Variants in PHF7 observed in about 807,000 individuals in gnomAD.
The protein encoded by PHF7 is PHD finger protein 7, also known as E3 ubiquitin-protein ligase PHF7.
Under a neutral mutation model 47.5 loss-of-function variants are expected in PHF7, and 24 were observed. The ratio of observed to expected loss-of-function variants is 0.51; its 90% CI spans 0.37 to 0.71. The LOEUF (loss-of-function observed/expected upper bound fraction) is 0.71. PHF7 is among the 30% of genes least tolerant of loss of function. PHF7 has a pLI of 0.00. For missense variants in PHF7, 361 were observed against 456.8 expected (o/e 0.79, Z 1.91); for synonymous variants, 156 against 153.8 (o/e 1.01, Z -0.11).
chr3:52,412,509 A>G (rs899414218), intron 1 of PHF7, among the ~76,000 whole-genome samples: 19 of 152,240 alleles, frequency 1.2e-4, no homozygotes, highest in Admixed American at 1.2e-3. Flanking sequence ...CATGAGAGTT[A>G]GTGTTGGCCT....
At chr3:52,420,681 C>T (rs955471595) in intron 6 of PHF7, among the ~76,000 whole-genome samples, 5 of 152,156 alleles carry the variant, frequency 3.3e-5, no homozygotes, top group Admixed American at 3.3e-4. Flanking sequence ...CTAAGTGGGG[C>T]TTTCAGGAAC....
rs145224435 is a variant in PHF7 at position 52,423,266 on chromosome 3, C to T, written c.1095C>T (p.Ser365=). The change falls in exon 11 of 11, where the codon TCC becomes TCT. Residue 365 remains serine, a synonymous_variant. Coordinates refer to ENST00000327906, the MANE Select transcript of PHF7 (RefSeq NM_016483.7). ...CCTCTCGTGGCAGGAGGAGCTACTC[C>T]TGGAGGTCCAAGGGTGTCAGAATCA... The part of the protein sequence containing the change: ...PESSRGRRSY[S]WRSKGVRITN... 9,165 of 1,614,096 alleles carry T rather than the reference C, an allele frequency of 5.7e-3. 71 individuals are homozygous for T. Among genetic ancestry groups the T allele is most frequent in the South Asian group, 0.023 (2,136 of 91,076 alleles).
intron 8 of PHF7, 161 bp downstream of exon 8, chr3:52,421,915 AG>A (rs1559602452): frequency 1.5e-5 from 7 of 478,042 alleles, no homozygotes; most frequent in Non-Finnish European, 2.6e-5. Context: ...AACAGAAGGG[AG>A]GGGGAAGAAG....
chr3:52,415,994 C>A (rs1245651053), intron 4 of PHF7, among the ~76,000 whole-genome samples: 1 of 152,216 alleles, frequency 6.6e-6, no homozygotes, highest in Admixed American at 6.5e-5. Context: ...AGCTTACACT[C>A]CTACCAGCAA....
intron 2 of PHF7, 24 bp downstream of exon 2, chr3:52,412,944 TTTGGGAGAAA>T: frequency 6.3e-7 from 1 of 1,590,422 alleles, no homozygotes; most frequent in African/African-American, 1.3e-5. Flanking sequence ...ACATAGGGAA[TTTGGGAGAAA>T]TTGTCCAATG....
intron 1 of PHF7, among the ~76,000 whole-genome samples, chr3:52,412,006 A>G (rs1023443135): frequency 1.3e-5 from 2 of 152,192 alleles, no homozygotes; most frequent in African/African-American, 4.8e-5. Flanking sequence ...ACTGGAGCCC[A>G]GGAGTTGAAG....
At chr3:52,414,649 T>C in intron 4 of PHF7, 62 bp downstream of exon 4, 1 of 895,230 alleles carries the variant, frequency 1.1e-6, no homozygotes, top group Admixed American at 2.1e-5. Flanking sequence ...GACTGTTCTC[T>C]GTTACATTCA....
intron 2 of PHF7, among the ~76,000 whole-genome samples, chr3:52,413,761 G>A (rs553643309): frequency 6.6e-6 from 1 of 152,170 alleles, no homozygotes; most frequent in Non-Finnish European, 1.5e-5. Flanking sequence ...CTTGAACCCA[G>A]GAGGCAGAGG....
At position 52,421,002 on chromosome 3, in the gene PHF7, T is replaced by G; in HGVS notation, c.513T>G (p.Ser171Arg). 2 of 1,613,522 alleles carry G rather than the reference T, an allele frequency of 1.2e-6. No individual in the cohort carries two copies. Among genetic ancestry groups the G allele is most frequent in the Non-Finnish European group, 1.7e-6 (2 of 1,179,732 alleles). ...ILCCEDLSQQ[S>R]VENIQSPCCS... ...GTTGTGAAGACTTATCCCAACAGAGTGTTGAGAACATCCAGAGCCCGTGTT... is the reference window on the plus strand; with the variant it reads ...GTTGTGAAGACTTATCCCAACAGAGGGTTGAGAACATCCAGAGCCCGTGTT... The change falls in exon 7 of 11, where the codon AGT becomes AGG. Residue 171 changes from serine (S) to arginine (R), a missense_variant. Ser to Arg is a moderately radical substitution (Grantham distance 110, BLOSUM62 -1). Coordinates refer to ENST00000327906, the MANE Select transcript of PHF7 (RefSeq NM_016483.7).
At chr3:52,415,872 G>C (rs1392506798) in intron 4 of PHF7, among the ~76,000 whole-genome samples, 2 of 152,212 alleles carry the variant, frequency 1.3e-5, no homozygotes, top group East Asian at 3.8e-4. Context: ...TTGTGAACAT[G>C]TGCTTTCACT....
At chr3:52,421,835 T>C in intron 8 of PHF7, 81 bp downstream of exon 8, 1 of 765,884 alleles carries the variant, frequency 1.3e-6, no homozygotes, top group Non-Finnish European at 2.4e-6. Context: ...GAGAGGATAG[T>C]TCAGAGAATG....
At chr3:52,421,552 T>C in intron 7 of PHF7, 96 bp from the exon 8 acceptor site, 1 of 778,252 alleles carries the variant, frequency 1.3e-6, no homozygotes, top group South Asian at 1.4e-5. Flanking sequence ...CAAACTCTCT[T>C]AGCAACATCC....
intron 4 of PHF7, among the ~76,000 whole-genome samples, chr3:52,415,269 T>C (rs576075964): frequency 6.6e-6 from 1 of 152,272 alleles, no homozygotes; most frequent in African/African-American, 2.4e-5. Context: ...TGATCCCGGC[T>C]CACTGCAACC....
intron 6 of PHF7, 81 bp from the exon 7 acceptor site, chr3:52,420,822 G>T (rs1430846828): frequency 3.8e-6 from 5 of 1,322,540 alleles, no homozygotes; most frequent in Admixed American, 2.1e-5. Flanking sequence ...AGCCTGGGTG[G>T]CTGGCTGCCC....
At chr3:52,418,715 C>G (rs1419644807) in intron 4 of PHF7, among the ~76,000 whole-genome samples, 1 of 152,144 alleles carries the variant, frequency 6.6e-6, no homozygotes, top group African/African-American at 2.4e-5. Flanking sequence ...CCTCCTTGTC[C>G]TATAACCCTG....
At chr3:52,414,216 C>T (rs1222007613) in intron 3 of PHF7, among the ~76,000 whole-genome samples, 168 bp downstream of exon 3, 4 of 152,120 alleles carry the variant, frequency 2.6e-5, no homozygotes, top group Admixed American at 1.3e-4. Context: ...ATTACCATGT[C>T]TGAAGTTCAA....
chr3:52,423,065 T>C, intron 10 of PHF7, 26 bp from the exon 11 acceptor site: 1 of 1,552,554 alleles, frequency 6.4e-7, no homozygotes, highest in Non-Finnish European at 8.9e-7. Flanking sequence ...GGCTTGAGTT[T>C]TCCTCTCCTG....
intron 4 of PHF7, among the ~76,000 whole-genome samples, chr3:52,416,472 C>T (rs1398556746): frequency 6.6e-6 from 1 of 151,310 alleles, no homozygotes; most frequent in East Asian, 2.0e-4. Flanking sequence ...GCGTGAGCCA[C>T]CGCGCCTGGC....
In PHF7 at chr3:52,421,171, T is replaced by C. The variant is rs543902847; in HGVS notation, c.573+109T>C. 1.2e-3 allele frequency: 1,159 copies of C among 986,666 alleles called. 1 individual carries two copies. Among genetic ancestry groups the C allele is most frequent in the Non-Finnish European group, 1.6e-3 (1,060 of 662,658 alleles). The allele number at this position is 986,666 out of a possible 1,614,324, so 61.1% of individuals were successfully genotyped here. On this transcript the variant is annotated intron_variant, in intron 7 of 10. Transcript: ENST00000327906. Reference sequence around the variant, plus strand: ...GTGCCTCAGCTTTGGTGCTCCATGCTGGAGGCCTGTATTGAGGGCTGGTTT... The same window carrying C: ...GTGCCTCAGCTTTGGTGCTCCATGCCGGAGGCCTGTATTGAGGGCTGGTTT...
Sources: gnomAD v4.1 joint callset for allele counts (sites outside exome capture counted in the v4.1 genomes callset) on GRCh38, gnomAD v4.1.1 for gene constraint, MANE v1.5 for transcripts, NCBI Gene and HGNC (gene_info 2026-07-23, HGNC 2026-07-21) for gene names.